The following SPECC1 variants were observed in gnomAD, a reference collection of about 807,000 sequenced individuals.
The protein encoded by SPECC1 is cytospin-B.
In SPECC1, 62 loss-of-function variants were observed where a neutral mutation model predicts 104.1. The ratio of observed to expected loss-of-function variants is 0.60; its 90% CI spans 0.49 to 0.74. The LOEUF (loss-of-function observed/expected upper bound fraction) is 0.74. Ranked by LOEUF, SPECC1 falls within the 30% of genes least tolerant of loss-of-function variation. The probability of loss-of-function intolerance (pLI) is 0.00; values close to 1 mark genes in which losing one functional copy is unlikely to be tolerated. For missense variants in SPECC1, 1,306 were observed against 1,310.5 expected (o/e 1.00, Z 0.05); for synonymous variants, 513 against 501.6 (o/e 1.02, Z -0.30).
intron 2 of SPECC1, among the ~76,000 whole-genome samples, chr17:20,102,353 G>T (rs139487201): frequency 5.4e-4 from 82 of 152,276 alleles, no homozygotes; most frequent in African/African-American, 1.8e-3. Flanking sequence ...GGAATTCCTC[G>T]TGGAAGGTGC....
chr17:20,090,465 C>G (rs575872499), intron 1 of SPECC1, among the ~76,000 whole-genome samples: 1 of 152,086 alleles, frequency 6.6e-6, no homozygotes, highest in African/African-American at 2.4e-5. Context: ...TGCAAAGGCC[C>G]GGAGCCAGGA....
chr17:20,220,278 A>G (rs2037790442), intron 4 of SPECC1, among the ~76,000 whole-genome samples: 1 of 151,854 alleles, frequency 6.6e-6, no homozygotes. Context: ...GGACATTTTA[A>G]CATATTGACT....
intron 3 of SPECC1, among the ~76,000 whole-genome samples, chr17:20,188,235 C>T (rs2035409172): frequency 6.7e-6 from 1 of 148,886 alleles, no homozygotes; most frequent in South Asian, 2.2e-4. Flanking sequence ...TTTTGTATTT[C>T]CTTAGGTATC....
intron 4 of SPECC1, among the ~76,000 whole-genome samples, chr17:20,208,758 T>C (rs2036946627): frequency 6.6e-6 from 1 of 152,240 alleles, no homozygotes; most frequent in Non-Finnish European, 1.5e-5. Flanking sequence ...ATTTGGTACA[T>C]ACCTTTTATT....
intron 12 of SPECC1, chr17:20,290,189 C>G (rs2041115676): frequency 6.6e-6 from 1 of 152,036 alleles, no homozygotes; most frequent in South Asian, 2.1e-4. Context: ...GTTTTTCAAC[C>G]ATGGCTTTGA....
At position 20,245,916 on chromosome 17, in the gene SPECC1, T is replaced by C. The variant is rs1359968385; in HGVS notation, c.2352-10T>C. The stretch of plus-strand genomic sequence containing the variant: ...CATCTTTTCAATCTGATTTGCTCTT[T>C]GCCATGCAGACCTGTGGATGAAGAG... On this transcript the variant is annotated splice_polypyrimidine_tract_variant and intron_variant, in intron 7 of 14. Coordinates refer to ENST00000395527, the MANE Select transcript of SPECC1 (RefSeq NM_001243439.2). 7.4e-6 allele frequency: 12 copies of C among 1,614,082 alleles called. No homozygotes were observed. The highest frequency in any genetic ancestry group is 1.1e-5 in the South Asian group (1 of 91,078).
chr17:20,154,874 G>C (rs2032322596), intron 3 of SPECC1, among the ~76,000 whole-genome samples: 1 of 152,116 alleles, frequency 6.6e-6, no homozygotes, highest in African/African-American at 2.4e-5. Flanking sequence ...GTTGTTGAGG[G>C]ACGAGATGTG....
In SPECC1 at chr17:20,251,671, TAATATCAATATCAACATG is replaced by T. The variant is rs150600445; in HGVS notation, c.2599-1823_2599-1806del. ...AGGTTGTTCATTGCAGCATTGTTCC[TAATATCAATATCAACATG>T]AATATCAATAGAGAATCAGTAAAAT... On this transcript the variant is annotated intron_variant, in intron 9 of 14. Coordinates refer to ENST00000395527, the MANE Select transcript of SPECC1 (RefSeq NM_001243439.2). Among the ~76,000 whole-genome samples, 344 of 152,322 alleles carry T rather than the reference TAATATCAATATCAACATG, an allele frequency of 2.3e-3. 1 individual carries two copies. Among genetic ancestry groups the T allele is most frequent in the African/African-American group, 8.0e-3 (332 of 41,554 alleles).
At chr17:20,262,283 G>C (rs150391677) in intron 12 of SPECC1, among the ~76,000 whole-genome samples, 1 of 152,272 alleles carries the variant, frequency 6.6e-6, no homozygotes, top group African/African-American at 2.4e-5. Context: ...CGTATTTCCT[G>C]AAAAACATAT....
At chr17:20,307,385 T>G (rs1436169823) in intron 14 of SPECC1, among the ~76,000 whole-genome samples, 1 of 152,228 alleles carries the variant, frequency 6.6e-6, no homozygotes, top group Non-Finnish European at 1.5e-5. Flanking sequence ...GCTTGTTCTT[T>G]GTGGTTGAAG....
At chr17:20,121,971 A>G (rs1468058873) in intron 3 of SPECC1, among the ~76,000 whole-genome samples, 2 of 152,230 alleles carry the variant, frequency 1.3e-5, no homozygotes, top group Non-Finnish European at 2.9e-5. Context: ...AGGCAAAAGG[A>G]CTATATGAGT....
At position 20,214,023 on chromosome 17, in the gene SPECC1, C is replaced by T. The variant is rs565913569; in HGVS notation, c.1863+8111C>T. Among the ~76,000 whole-genome samples the T allele has an allele frequency of 6.2e-4, 94 of 152,250 alleles. 1 individual carries two copies. The highest frequency in any genetic ancestry group is 2.1e-3 in the African/African-American group (86 of 41,556). ...TTATCACCCCGTAAAAAAATCTTAA[C>T]CCACAGCAGTCACCCTCCAAGACCG... On this transcript the variant is annotated intron_variant, in intron 4 of 14. Transcript: ENST00000395527.
intron 3 of SPECC1, among the ~76,000 whole-genome samples, chr17:20,199,310 CT>C (rs1180372578): frequency 6.7e-6 from 1 of 149,780 alleles, no homozygotes; most frequent in African/African-American, 2.5e-5. Context: ...TGGTCTTGAA[CT>C]CCTGACCTCA....
intron 1 of SPECC1, among the ~76,000 whole-genome samples, chr17:20,021,250 G>A (rs187167283): frequency 6.6e-6 from 1 of 151,974 alleles, no homozygotes; most frequent in African/African-American, 2.4e-5. Context: ...GACACAGGCA[G>A]TTCAAACCTG....
intron 12 of SPECC1, among the ~76,000 whole-genome samples, chr17:20,288,751 G>A (rs914425466): frequency 8.0e-5 from 12 of 150,166 alleles, no homozygotes; most frequent in Non-Finnish European, 1.5e-4. Flanking sequence ...CAGAATCATG[G>A]CAGGAGGTGA....
intron 12 of SPECC1, among the ~76,000 whole-genome samples, chr17:20,273,080 T>G (rs944301688): frequency 3.3e-5 from 5 of 152,166 alleles, no homozygotes; most frequent in African/African-American, 1.2e-4. Context: ...GGTGTCAGTG[T>G]CTTTAGGTGG....
At position 20,307,691 on chromosome 17, in the gene SPECC1, C is replaced by CA. The variant is rs548588384; in HGVS notation, c.3117+1617dup. ...TGTCTCAGAGTTTAAGAGACAGGGA[C>CA]AAAAAAAATCAGACAATGGCCATGT... is the stretch of plus-strand genomic sequence containing the variant. On this transcript the variant is annotated intron_variant, in intron 14 of 14. Coordinates refer to ENST00000395527, the MANE Select transcript of SPECC1 (RefSeq NM_001243439.2). Among the ~76,000 whole-genome samples the CA allele has an allele frequency of 3.9e-3, 590 of 151,198 alleles. 2 individuals carry two copies. Among genetic ancestry groups the CA allele is most frequent in the African/African-American group, 0.013 (516 of 41,152 alleles).
intron 2 of SPECC1, among the ~76,000 whole-genome samples, chr17:20,105,097 T>C (rs1010273156): frequency 4.6e-5 from 7 of 152,064 alleles, no homozygotes; most frequent in African/African-American, 1.7e-4. Flanking sequence ...TTCTCTTTTT[T>C]TTTTCGGTGG....
intron 2 of SPECC1, among the ~76,000 whole-genome samples, chr17:20,107,806 A>G (rs577518972): frequency 1.3e-5 from 2 of 152,216 alleles, no homozygotes; most frequent in South Asian, 2.1e-4. Context: ...GATTATAGGC[A>G]TGAGCCACTG....
Sources: gnomAD v4.1 joint callset for allele counts (sites outside exome capture counted in the v4.1 genomes callset) on GRCh38, gnomAD v4.1.1 for gene constraint, MANE v1.5 for transcripts, NCBI Gene and HGNC (gene_info 2026-07-23, HGNC 2026-07-21) for gene names.